Variants in ZNF541 observed in about 807,000 individuals in gnomAD.
ZNF541 encodes zinc finger protein 541.
In ZNF541, 23 loss-of-function variants were observed where a neutral mutation model predicts 123.5. That is an observed-to-expected ratio of 0.19 (90% confidence interval 0.13 to 0.26). ZNF541 has a LOEUF of 0.26. Ranked by LOEUF, ZNF541 falls within the 10% of genes least tolerant of loss-of-function variation. ZNF541 has a pLI of 1.00. For synonymous variants in ZNF541, 751 were observed against 754.5 expected (o/e 1.00, Z 0.08); for missense variants, 1,612 against 1,789.9 (o/e 0.90, Z 1.79).
chr19:47,520,816 C>T lies in ZNF541; in HGVS notation c.*408G>A, dbSNP rs539800944. 2 of 171,620 alleles carry T rather than the reference C, an allele frequency of 1.2e-5. No homozygotes were observed. The highest frequency in any genetic ancestry group is 1.6e-4 in the South Asian group (1 of 6,176). 10.6% of individuals were successfully genotyped at this position (171,620 alleles called of 1,614,324 possible). A position where few individuals can be genotyped will look rare whatever the true frequency, so the allele number is the denominator to read the frequency against. On this transcript the variant is annotated 3_prime_UTR_variant, in exon 17 of 17. Transcript: ENST00000391901. ...GTCCCCGCCCCAGGGAGGGGCCCAGCGTGTTGGAGATCTCAAGGTTTTTTC... is the reference window on the plus strand; with the variant it reads ...GTCCCCGCCCCAGGGAGGGGCCCAGTGTGTTGGAGATCTCAAGGTTTTTTC...
intron 14 of ZNF541, among the ~76,000 whole-genome samples, chr19:47,524,285 G>A (rs1185356538): frequency 2.6e-5 from 4 of 152,142 alleles, no homozygotes; most frequent in South Asian, 2.1e-4. Context: ...ACGCAAAGAC[G>A]CAGGATAACA....
chr19:47,521,204 C>T lies in ZNF541; in HGVS notation c.*20G>A, dbSNP rs746460134. 2.6e-5 allele frequency: 40 copies of T among 1,548,840 alleles called. No individual in the cohort carries two copies. The highest frequency in any genetic ancestry group is 7.3e-5 in the East Asian group (3 of 40,874). The stretch of plus-strand genomic sequence containing the variant: ...GAGGGGCAGCACTGGAGGCCCCATT[C>T]GGACTTGCTGCCACGGGAGTCACCA... On this transcript the variant is annotated 3_prime_UTR_variant, in exon 17 of 17. Transcript: ENST00000391901. This position sits in a 1 kb window ranked among gnomAD's most constrained non-coding sequence, Gnocchi z 4.2.
In ZNF541 at chr19:47,529,686, C is replaced by T. The variant is rs1376578271; in HGVS notation, c.3406-34G>A. 14 of 1,545,328 alleles carry T rather than the reference C, an allele frequency of 9.1e-6. No homozygotes were observed. The Admixed American group carries it at 2.6e-4, about 28-fold the overall frequency. ...AGAGGAGCGACAGGCTGCCCAGGACCAGGTGGGGGAAGAGGACCACAGGCA... is the reference window on the plus strand; with the variant it reads ...AGAGGAGCGACAGGCTGCCCAGGACTAGGTGGGGGAAGAGGACCACAGGCA... On this transcript the variant is annotated intron_variant, in intron 12 of 16. Transcript: ENST00000391901.
intron 14 of ZNF541, among the ~76,000 whole-genome samples, chr19:47,523,771 T>C (rs1232963834): frequency 6.6e-6 from 1 of 152,092 alleles, no homozygotes; most frequent in African/African-American, 2.4e-5. Context: ...CCAGCAGGAC[T>C]TAGGGAGCTG....
chr19:47,539,657 A>G, intron 8 of ZNF541, 48 bp downstream of exon 8: 13 of 1,375,556 alleles, frequency 9.5e-6, no homozygotes, highest in Non-Finnish European at 1.1e-5. Context: ...GGCTTCCCCC[A>G]GCAGCTGCGG....
chr19:47,529,704 C>T, intron 12 of ZNF541, 52 bp from the exon 13 acceptor site: 1 of 1,457,020 alleles, frequency 6.9e-7, no homozygotes, highest in African/African-American at 1.4e-5. Flanking sequence ...GGAAGAGGAC[C>T]ACAGGCATCC....
chr19:47,556,516 C>T (rs901613152), intron 2 of ZNF541, among the ~76,000 whole-genome samples: 4 of 152,088 alleles, frequency 2.6e-5, no homozygotes, highest in Non-Finnish European at 4.4e-5. Context: ...CACCATGTTG[C>T]CCAGGCTGGT....
At chr19:47,572,999 G>A (rs1175080287) in intron 1 of ZNF541, among the ~76,000 whole-genome samples, 84 bp downstream of exon 1, 1 of 151,904 alleles carries the variant, frequency 6.6e-6, no homozygotes, top group Non-Finnish European at 1.5e-5. Flanking sequence ...GTAAAAAGGG[G>A]GAGGGGTTGA....
At position 47,551,469 on chromosome 19, in the gene ZNF541, G is replaced by A. The variant is rs953579526; in HGVS notation, c.308-1984C>T. Among the ~76,000 whole-genome samples the A allele has an allele frequency of 3.9e-5, 6 of 151,980 alleles. No individual in the cohort carries two copies. The East Asian group carries it at 5.8e-4, about 15-fold the overall frequency. On this transcript the variant is annotated intron_variant, in intron 3 of 16. Coordinates refer to ENST00000391901, the MANE Select transcript of ZNF541 (RefSeq NM_001277075.3). The stretch of plus-strand genomic sequence containing the variant: ...TCACCGCAGCCTTGAACTCCTGGGC[G>A]TGAGCAGTCCTTCTGACTCAGCCTC...
chr19:47,563,853 G>A (rs965115600), intron 2 of ZNF541, among the ~76,000 whole-genome samples: 5 of 151,974 alleles, frequency 3.3e-5, no homozygotes, highest in Admixed American at 3.3e-4. Flanking sequence ...TGATCCACCC[G>A]CCTCGGCCTC....
At chr19:47,552,033 T>G (rs543126125) in intron 3 of ZNF541, among the ~76,000 whole-genome samples, 43 of 152,002 alleles carry the variant, frequency 2.8e-4, no homozygotes, top group African/African-American at 9.9e-4. Context: ...AATTCTTATA[T>G]TTTTAGTAGA....
At chr19:47,562,875 T>C (rs994229820) in intron 2 of ZNF541, among the ~76,000 whole-genome samples, 12 of 152,208 alleles carry the variant, frequency 7.9e-5, no homozygotes, top group Admixed American at 3.9e-4. Flanking sequence ...TTAACCACTC[T>C]CCTGTTGATG....
At chr19:47,537,158 A>G (rs1969858506) in intron 9 of ZNF541, among the ~76,000 whole-genome samples, 1 of 152,214 alleles carries the variant, frequency 6.6e-6, no homozygotes, top group East Asian at 1.9e-4. Flanking sequence ...CTCTAAAATT[A>G]AGACTATGTG....
intron 9 of ZNF541, among the ~76,000 whole-genome samples, chr19:47,537,522 C>CCA (rs1969875362): frequency 6.6e-6 from 1 of 150,418 alleles, no homozygotes; most frequent in African/African-American, 2.5e-5. Context: ...CAAGATCACG[C>CCA]CACTGCACTC....
intron 2 of ZNF541, among the ~76,000 whole-genome samples, chr19:47,571,566 A>C (rs1267647641): frequency 2.6e-5 from 4 of 152,322 alleles, no homozygotes; most frequent in Middle Eastern, 3.4e-3. Flanking sequence ...TGGGACATAC[A>C]ATCTTTGCTT....
intron 11 of ZNF541, 39 bp downstream of exon 11, chr19:47,532,089 G>C: frequency 6.5e-7 from 1 of 1,546,274 alleles, no homozygotes; most frequent in African/African-American, 1.4e-5. Context: ...GGAGGGGGAA[G>C]AAGGGCCCTT....
intron 2 of ZNF541, among the ~76,000 whole-genome samples, chr19:47,556,883 A>C (rs574618811): frequency 2.0e-5 from 3 of 150,642 alleles, no homozygotes; most frequent in African/African-American, 7.3e-5. Flanking sequence ...TGAGCATCCC[A>C]AGTAGCTGGG....
chr19:47,529,459 A>C (rs1201506658), intron 13 of ZNF541, 118 bp downstream of exon 13: 1 of 1,002,048 alleles, frequency 1.0e-6, no homozygotes, highest in Admixed American at 2.4e-5. Context: ...CCCTCCTGAA[A>C]GGCAGGCAAA....
At chr19:47,571,325 G>A (rs1971470494) in intron 2 of ZNF541, among the ~76,000 whole-genome samples, 1 of 152,100 alleles carries the variant, frequency 6.6e-6, no homozygotes, top group African/African-American at 2.4e-5. Flanking sequence ...TATTGGCCAG[G>A]CTGGTCTCAA....
Sources: gnomAD v4.1 joint callset for allele counts (sites outside exome capture counted in the v4.1 genomes callset) on GRCh38, gnomAD v4.1.1 for gene constraint, Gnocchi (gnomAD v3.1) non-coding constraint, MANE v1.5 for transcripts, NCBI Gene and HGNC (gene_info 2026-07-23, HGNC 2026-07-21) for gene names.